FAM184A: variants seen among roughly 807,000 people sequenced by gnomAD.
FAM184A encodes the protein protein FAM184A.
FAM184A carries 99 observed loss-of-function variants against 143.8 expected under a neutral mutation model. That is an observed-to-expected ratio of 0.69 (90% CI 0.58 to 0.81). The LOEUF is 0.81. Ranked by LOEUF, FAM184A falls within the 40% of genes least tolerant of loss-of-function variation. FAM184A has a pLI of 0.00. For synonymous variants in FAM184A, 427 were observed against 446.4 expected (o/e 0.96, Z 0.55); for missense variants, 1,217 against 1,310.5 (o/e 0.93, Z 1.10).
At chr6:119,075,895 T>TA (rs1309741224) in intron 1 of FAM184A, among the ~76,000 whole-genome samples, 1 of 152,224 alleles carries the variant, frequency 6.6e-6, no homozygotes, top group Non-Finnish European at 1.5e-5. Context: ...GCAAGTCTTA[T>TA]ATGTTTGTAG....
chr6:119,061,935 C>CA (rs1198875187), intron 1 of FAM184A, among the ~76,000 whole-genome samples: 4 of 152,114 alleles, frequency 2.6e-5, no homozygotes, highest in Admixed American at 2.6e-4. Flanking sequence ...AGGGGCAAGG[C>CA]ATAGTGGCTC....
intron 6 of FAM184A, among the ~76,000 whole-genome samples, chr6:119,007,826 A>G (rs1784971786): frequency 6.6e-6 from 1 of 152,084 alleles, no homozygotes; most frequent in Non-Finnish European, 1.5e-5. Context: ...CTGTAATCCC[A>G]GCTACCTGAG....
In FAM184A at chr6:118,975,908, C is replaced by T. The variant is rs1192526796; in HGVS notation, c.2583+9G>A. On this transcript the variant is annotated intron_variant, in intron 12 of 17. Coordinates refer to ENST00000338891, the MANE Select transcript of FAM184A (RefSeq NM_024581.6). Reference sequence around the variant, plus strand: ...AGAAATCATCAGAGTACAGAATACTCTTACTTACCTGTCTTCTGCTGATGT... The same window carrying T: ...AGAAATCATCAGAGTACAGAATACTTTTACTTACCTGTCTTCTGCTGATGT... 1.2e-6 allele frequency: 2 copies of T among 1,610,254 alleles called. No homozygotes were observed. Among genetic ancestry groups the T allele is most frequent in the Non-Finnish European group, 1.7e-6 (2 of 1,178,938 alleles).
intron 1 of FAM184A, among the ~76,000 whole-genome samples, chr6:119,109,908 AT>A (rs924268594): frequency 6.6e-6 from 1 of 152,116 alleles, no homozygotes; most frequent in African/African-American, 2.4e-5. Flanking sequence ...TCTGCCCTGC[AT>A]TTTAGGCACC....
chr6:119,056,148 A>C (rs567311196), intron 1 of FAM184A, among the ~76,000 whole-genome samples: 157 of 152,362 alleles, frequency 1.0e-3, no homozygotes, highest in Non-Finnish European at 1.9e-3. Flanking sequence ...GGAAAATCTA[A>C]AAGATATTTC....
rs537602608 is a variant in FAM184A at position 118,985,214 on chromosome 6, C to T, written c.2089-4864G>A. 3.9e-5 allele frequency among the ~76,000 whole-genome samples: 6 copies of T among 152,276 alleles called. No individual in the cohort carries two copies. The South Asian group carries it at 1.2e-3, about 32-fold the overall frequency. On this transcript the variant is annotated intron_variant, in intron 9 of 17. Transcript: ENST00000338891. ...GCCTTATATACAAAAGTTACAAAGG[C>T]TCCAGGGCACACCTCAAAAGATCAG... is the stretch of plus-strand genomic sequence containing the variant.
At chr6:119,077,130 C>T (rs1038364206) in intron 1 of FAM184A, among the ~76,000 whole-genome samples, 1 of 152,136 alleles carries the variant, frequency 6.6e-6, no homozygotes, top group East Asian at 1.9e-4. Context: ...TTCCTCTCTT[C>T]CGAATCTCAT....
intron 7 of FAM184A, 115 bp from the exon 8 acceptor site, chr6:119,003,737 A>T: frequency 1.1e-6 from 1 of 940,182 alleles, no homozygotes; most frequent in East Asian, 2.9e-5. Flanking sequence ...CTTACAGCCC[A>T]ATACTTGATA....
rs568079766 is a variant in FAM184A at position 119,016,055 on chromosome 6, ACT to A, written c.1530+690_1530+691del. On this transcript the variant is annotated intron_variant, in intron 5 of 17. Coordinates refer to ENST00000338891, the MANE Select transcript of FAM184A (RefSeq NM_024581.6). ...AAGGTTTGTGAGTGCACCAATTGAC[ACT>A]CTGTATCTAGCTGCTCTGGTGGGGC... Among the ~76,000 whole-genome samples, 624 of 152,194 alleles carry A rather than the reference ACT, an allele frequency of 4.1e-3. 2 individuals carry two copies. Among genetic ancestry groups the A allele is most frequent in the Middle Eastern group, 0.01 (3 of 292 alleles).
intron 9 of FAM184A, among the ~76,000 whole-genome samples, chr6:118,986,497 G>A (rs780789180): frequency 6.6e-6 from 1 of 152,156 alleles, no homozygotes; most frequent in Non-Finnish European, 1.5e-5. Context: ...TGCAGAGCAC[G>A]GCACTCTGAC....
intron 1 of FAM184A, among the ~76,000 whole-genome samples, chr6:119,087,014 G>A (rs1415767741): frequency 6.6e-6 from 1 of 152,112 alleles, no homozygotes; most frequent in Non-Finnish European, 1.5e-5. Flanking sequence ...AAGGAGGGGA[G>A]GCTCCTAGCA....
intron 1 of FAM184A, among the ~76,000 whole-genome samples, chr6:119,145,210 A>G (rs947585464): frequency 1.3e-5 from 2 of 152,036 alleles, no homozygotes; most frequent in East Asian, 3.9e-4. Context: ...ACCCCTGTGG[A>G]GGGTTGGGTG....
intron 1 of FAM184A, among the ~76,000 whole-genome samples, chr6:119,103,083 G>A (rs1788686814): frequency 6.6e-6 from 1 of 152,128 alleles, no homozygotes; most frequent in South Asian, 2.1e-4. Flanking sequence ...CTCCTGCCAG[G>A]AATTGGTTTA....
At chr6:118,969,804 C>G (rs181151207) in intron 14 of FAM184A, among the ~76,000 whole-genome samples, 49 of 128,590 alleles carry the variant, frequency 3.8e-4, no homozygotes, top group Non-Finnish European at 3.4e-5. Flanking sequence ...CCCTGCCCCC[C>G]ACCCCGTGAC....
intron 1 of FAM184A, among the ~76,000 whole-genome samples, chr6:119,030,273 CACT>C (rs1449158501): frequency 6.6e-6 from 1 of 151,884 alleles, no homozygotes; most frequent in Admixed American, 6.6e-5. Context: ...TGAAATACAC[CACT>C]ACTAACTTAT....
chr6:118,989,002 C>CGT (rs1477964811), intron 9 of FAM184A, among the ~76,000 whole-genome samples: 1 of 128,742 alleles, frequency 7.8e-6, no homozygotes, highest in Non-Finnish European at 1.6e-5. Context: ...CACTCTGTTA[C>CGT]CCAGGCTAGA....
chr6:119,148,352 C>G (rs1172062664), intron 1 of FAM184A, among the ~76,000 whole-genome samples: 3 of 152,302 alleles, frequency 2.0e-5, no homozygotes, highest in Middle Eastern at 3.4e-3. Context: ...ATTTCCCAGT[C>G]CCACCTACCC....
intron 1 of FAM184A, among the ~76,000 whole-genome samples, chr6:119,089,742 G>C (rs998790403): frequency 6.6e-6 from 1 of 152,144 alleles, no homozygotes; most frequent in Non-Finnish European, 1.5e-5. Context: ...GGTGGTTCTT[G>C]TTTCTTTAGA....
chr6:118,981,882 T>G (rs1213091471), intron 9 of FAM184A, among the ~76,000 whole-genome samples: 12 of 152,216 alleles, frequency 7.9e-5, no homozygotes, highest in Admixed American at 7.9e-4. Context: ...GTTCAAACTT[T>G]ATGAATTCTG....
Sources: allele counts gnomAD v4.1 joint callset (sites outside exome capture counted in the v4.1 genomes callset), GRCh38; gene constraint gnomAD v4.1.1; transcripts MANE v1.5; gene names NCBI Gene and HGNC (gene_info 2026-07-23, HGNC 2026-07-21).